Variants in CNTNAP2 observed in about 807,000 individuals in gnomAD.
The protein encoded by CNTNAP2 is contactin-associated protein-like 2.
CNTNAP2 carries 98 observed loss-of-function variants against 155.2 expected under a neutral mutation model. The ratio of observed to expected loss-of-function variants is 0.63; its 90% CI spans 0.54 to 0.75. The LOEUF (loss-of-function observed/expected upper bound fraction) is 0.75, where lower values mean the gene tolerates loss of function less well. CNTNAP2 is among the 30% of genes least tolerant of loss of function. CNTNAP2 has a pLI of 0.00. For missense variants in CNTNAP2, 1,727 were observed against 1,688.1 expected, an observed-to-expected ratio of 1.02 and a Z score of -0.40; for synonymous variants, 651 against 631.2, an observed-to-expected ratio of 1.03 and a Z score of -0.47.
At chr7:147,505,288 A>C (rs1798887247) in intron 11 of CNTNAP2, among the ~76,000 whole-genome samples, 2 of 151,826 alleles carry the variant, frequency 1.3e-5, no homozygotes, top group Non-Finnish European at 2.9e-5. Flanking sequence ...GTGCAAAATG[A>C]CTAAATTCAA....
At chr7:146,864,834 AAACAG>A (rs71165044) in intron 3 of CNTNAP2, among the ~76,000 whole-genome samples, 109,001 of 150,552 alleles carry the variant, frequency 0.72, 40,411 homozygotes, top group African/African-American at 0.88. Context: ...AAACAAAACA[AAACAG>A]AACCTGCAGG....
chr7:147,345,711 A>C (rs993295983), intron 9 of CNTNAP2, among the ~76,000 whole-genome samples: 3 of 152,170 alleles, frequency 2.0e-5, no homozygotes, highest in African/African-American at 7.2e-5. Flanking sequence ...AAGACAATAC[A>C]TGCTTTCTAC....
chr7:147,590,910 A>G (rs1269764084), intron 12 of CNTNAP2, among the ~76,000 whole-genome samples: 6 of 152,188 alleles, frequency 3.9e-5, no homozygotes, highest in African/African-American at 1.4e-4. Flanking sequence ...GAGAGAGAGC[A>G]GCAAACCTCT....
chr7:148,166,323 T>C (rs974593342), intron 17 of CNTNAP2, among the ~76,000 whole-genome samples: 1 of 152,186 alleles, frequency 6.6e-6, no homozygotes, highest in Non-Finnish European at 1.5e-5. Context: ...AAGGCCTGGC[T>C]CATAGTAGGC....
intron 1 of CNTNAP2, among the ~76,000 whole-genome samples, chr7:146,758,070 T>G (rs1271093426): frequency 6.6e-6 from 1 of 152,226 alleles, no homozygotes; most frequent in Admixed American, 6.5e-5. Context: ...AATATCTCCA[T>G]TCAGAAATCT....
rs552896192 is a variant in CNTNAP2, at chr7:146,237,665, G to A, written c.97+120692G>A. ...ATACATTTAAGAAATACCAATATGAGGGCAATGGAAATTTCCGGTGCAAGC... is the reference window on the plus strand; with the variant it reads ...ATACATTTAAGAAATACCAATATGAAGGCAATGGAAATTTCCGGTGCAAGC... On this transcript the variant is annotated intron_variant, in intron 1 of 23. Transcript: ENST00000361727. 2.6e-5 allele frequency among the ~76,000 whole-genome samples: 4 copies of A among 151,918 alleles called. No homozygotes were observed. In the South Asian group the frequency reaches 6.3e-4, roughly 24 times the overall value.
chr7:148,195,887 A>T (rs2116723953), intron 18 of CNTNAP2, among the ~76,000 whole-genome samples: 1 of 152,180 alleles, frequency 6.6e-6, no homozygotes, highest in East Asian at 1.9e-4. Flanking sequence ...AAGACCGTGG[A>T]AAGAAAAAAA....
At chr7:147,690,446 C>T (rs139304328) in intron 13 of CNTNAP2, among the ~76,000 whole-genome samples, 2,505 of 152,156 alleles carry the variant, frequency 0.016, 222 homozygotes, top group Admixed American at 0.15. Context: ...ACATCATTAC[C>T]GACCAATGAC....
At chr7:147,628,046 T>G (rs988920941) in intron 12 of CNTNAP2, among the ~76,000 whole-genome samples, 1 of 151,982 alleles carries the variant, frequency 6.6e-6, no homozygotes, top group Non-Finnish European at 1.5e-5. Context: ...TTTAAAAGTT[T>G]GGAAAGCATA....
intron 1 of CNTNAP2, among the ~76,000 whole-genome samples, chr7:146,249,892 AG>A (rs1373431283): frequency 6.6e-6 from 1 of 152,012 alleles, no homozygotes; most frequent in African/African-American, 2.4e-5. Flanking sequence ...CTTGAAAAAA[AG>A]AAAAAAAGAA....
intron 21 of CNTNAP2, among the ~76,000 whole-genome samples, chr7:148,323,968 C>G (rs1272495256): frequency 6.6e-6 from 1 of 150,928 alleles, no homozygotes; most frequent in East Asian, 1.9e-4. Context: ...ACTGCAACCT[C>G]CACCTCCTGG....
chr7:146,610,026 A>G (rs1050862284), intron 1 of CNTNAP2, among the ~76,000 whole-genome samples: 1 of 152,238 alleles, frequency 6.6e-6, no homozygotes. Flanking sequence ...GGTGAGTTCC[A>G]TGAACACTAA....
At chr7:147,393,264 G>T (rs936652552) in intron 9 of CNTNAP2, among the ~76,000 whole-genome samples, 1 of 151,932 alleles carries the variant, frequency 6.6e-6, no homozygotes, top group Non-Finnish European at 1.5e-5. Context: ...AAAATAAAAG[G>T]ACTTAACCAC....
rs116513307 is a variant in CNTNAP2 at position 146,732,136 on chromosome 7, A to G, written c.98-42135A>G. On this transcript the variant is annotated intron_variant, in intron 1 of 23. Coordinates refer to ENST00000361727, the MANE Select transcript of CNTNAP2 (RefSeq NM_014141.6). ...ATACACATTTAACATCAGAATTTGA[A>G]CATCATAGAAGTTTCAAAACAGTTT... Among the ~76,000 whole-genome samples, 671 of 152,268 alleles carry G rather than the reference A, an allele frequency of 4.4e-3. 4 individuals are homozygous for G. The highest frequency in any genetic ancestry group is 0.015 in the African/African-American group (631 of 41,568).
At chr7:146,350,239 C>A (rs190162469) in intron 1 of CNTNAP2, among the ~76,000 whole-genome samples, 1 of 152,052 alleles carries the variant, frequency 6.6e-6, no homozygotes, top group African/African-American at 2.4e-5. Flanking sequence ...TCACTGATAC[C>A]CTTTCTTCCA....
chr7:146,961,619 C>G (rs1797559459), intron 3 of CNTNAP2, among the ~76,000 whole-genome samples: 1 of 152,006 alleles, frequency 6.6e-6, no homozygotes, highest in Admixed American at 6.6e-5. Context: ...ACTCCTGTCC[C>G]TGGAAAATTT....
At chr7:148,090,842 A>C (rs1027838967) in intron 15 of CNTNAP2, among the ~76,000 whole-genome samples, 1 of 152,180 alleles carries the variant, frequency 6.6e-6, no homozygotes, top group East Asian at 1.9e-4. Flanking sequence ...ATCTGGACTC[A>C]AGTGCCCATC....
intron 1 of CNTNAP2, among the ~76,000 whole-genome samples, chr7:146,153,909 T>G (rs2116782576): frequency 6.6e-6 from 1 of 152,338 alleles, no homozygotes; most frequent in East Asian, 1.9e-4. Flanking sequence ...ACTTCCAGTT[T>G]TATTTTATGA....
At chr7:147,680,329 T>G (rs1795929214) in intron 13 of CNTNAP2, among the ~76,000 whole-genome samples, 1 of 151,938 alleles carries the variant, frequency 6.6e-6, no homozygotes, top group African/African-American at 2.4e-5. Context: ...ACTACGGTAC[T>G]TCTAAAGGGC....
Sources: gnomAD v4.1 joint callset for allele counts (sites outside exome capture counted in the v4.1 genomes callset) on GRCh38, gnomAD v4.1.1 for gene constraint, MANE v1.5 for transcripts, NCBI Gene and HGNC (gene_info 2026-07-23, HGNC 2026-07-21) for gene names.